SEMA7A: variants seen among roughly 807,000 people sequenced by gnomAD.
SEMA7A encodes semaphorin 7A (JohnMiltonHagen blood group), also known as semaphorin-7A.
SEMA7A carries 21 observed loss-of-function variants against 67.5 expected under a neutral mutation model. The observed-to-expected ratio is 0.31, with a 90% CI of 0.22 to 0.45. The LOEUF is 0.45. Ranked by LOEUF, SEMA7A falls within the 20% of genes least tolerant of loss-of-function variation. The pLI, the probability that SEMA7A is intolerant of heterozygous loss-of-function variation, is 1.00. For synonymous variants in SEMA7A, 364 were observed against 368.5 expected (o/e 0.99, Z 0.14); for missense variants, 774 against 908.6 (o/e 0.85, Z 1.90).
At chr15:74,417,236 G>C in intron 6 of SEMA7A, 99 bp downstream of exon 6, 1 of 919,324 alleles carries the variant, frequency 1.1e-6, no homozygotes, top group African/African-American at 1.6e-5. Flanking sequence ...GGCCCCAGCG[G>C]CCCTCAGGGA....
rs1233265374 is a variant in SEMA7A, at chr15:74,423,197, T to C, written c.179-4245A>G. Among the ~76,000 whole-genome samples, 2 of 151,990 alleles carry C rather than the reference T, an allele frequency of 1.3e-5. No homozygotes were observed. The highest frequency in any genetic ancestry group is 4.8e-5 in the African/African-American group (2 of 41,354). On this transcript the variant is annotated intron_variant, in intron 1 of 13. Coordinates refer to ENST00000261918, the MANE Select transcript of SEMA7A (RefSeq NM_003612.5). This position sits in a 1 kb window ranked among gnomAD's most constrained non-coding sequence, Gnocchi z 4.1. ...AGAGCCAGCACATCTGGCAGGAGCG[T>C]CCTCCCACAGTTGTGCCCCCACCCC...
chr15:74,430,702 C>T (rs946960338), intron 1 of SEMA7A, among the ~76,000 whole-genome samples: 1 of 152,342 alleles, frequency 6.6e-6, no homozygotes, highest in East Asian at 1.9e-4. Flanking sequence ...ATTGCCCCCC[C>T]ACCATGAGAC....
Position 74,414,933 on chromosome 15 carries a change from C to A in SEMA7A, c.1000G>T (p.Val334Phe). 1.2e-6 allele frequency: 2 copies of A among 1,614,060 alleles called. No individual in the cohort carries two copies. The highest frequency in any genetic ancestry group is 1.7e-6 in the Non-Finnish European group (2 of 1,179,958). ...VFSNPWNYSA[V>F]CVYSLGDIDK... is the part of the protein sequence containing the mutation. ...ATGTCACCGAGGGAATACACACAGA[C>A]GGCTGAGTAGTTCCTGCAGTGACAT... Residue 334 changes from valine (V) to phenylalanine (F), a missense_variant, in exon 9 of 14, where the codon GTC becomes TTC. Physicochemically the swap from Val to Phe is conservative, Grantham distance 50. Coordinates refer to ENST00000261918, the MANE Select transcript of SEMA7A (RefSeq NM_003612.5). This position sits in a 1 kb window ranked among gnomAD's most constrained non-coding sequence, Gnocchi z 4.1.
rs1328043135 is a variant in SEMA7A, at chr15:74,411,179, C to A, written c.1639+116G>T. On this transcript the variant is annotated intron_variant, in intron 13 of 13. Transcript: ENST00000261918. The surrounding 1 kb of genome is among the most constrained non-coding windows in gnomAD (Gnocchi z 4.4). ...GCTCCCTCTGCAGGACTGTATCCTG[C>A]CCCATGTACCTGGGGCCCACAGGAC... The A allele has an allele frequency of 1.0e-5, 14 of 1,342,694 alleles. No individual in the cohort carries two copies. Among genetic ancestry groups the A allele is most frequent in the Non-Finnish European group, 1.0e-6 (1 of 979,362 alleles). 83.2% of individuals were successfully genotyped at this position (1,342,694 alleles called of 1,614,324 possible).
intron 10 of SEMA7A, among the ~76,000 whole-genome samples, chr15:74,412,764 A>G (rs1230689916): frequency 6.6e-6 from 1 of 151,652 alleles, no homozygotes; most frequent in African/African-American, 2.4e-5. Flanking sequence ...TTTTCCACAA[A>G]TGTCCTTCTT....
chr15:74,429,981 A>G (rs563298624), intron 1 of SEMA7A, among the ~76,000 whole-genome samples: 3 of 152,230 alleles, frequency 2.0e-5, no homozygotes, highest in African/African-American at 7.2e-5. Flanking sequence ...CTCAGTGCCC[A>G]TAACTGCTCT....
intron 8 of SEMA7A, among the ~76,000 whole-genome samples, chr15:74,415,156 G>A (rs1282238473): frequency 6.6e-6 from 1 of 152,190 alleles, no homozygotes; most frequent in Non-Finnish European, 1.5e-5. Context: ...GAATCACTGA[G>A]TCTAGAGGCC....
In SEMA7A at chr15:74,414,480, A is replaced by G; in HGVS notation, c.1294+67T>C. Reference sequence around the variant, plus strand: ...AAAGATCCAACCAGATGTTAACTACATTATTCCTTACACCTTTCATGCCCG... The same window carrying G: ...AAAGATCCAACCAGATGTTAACTACGTTATTCCTTACACCTTTCATGCCCG... On this transcript the variant is annotated intron_variant, in intron 10 of 13. Coordinates refer to ENST00000261918, the MANE Select transcript of SEMA7A (RefSeq NM_003612.5). This position sits in a 1 kb window ranked among gnomAD's most constrained non-coding sequence, Gnocchi z 4.1. The G allele has an allele frequency of 6.9e-7, 1 of 1,448,820 alleles. No homozygotes were observed. The highest frequency in any genetic ancestry group is 1.2e-5 in the South Asian group (1 of 84,526). The allele number at this position is 1,448,820 out of a possible 1,614,324, so 89.7% of individuals were successfully genotyped here. A position where few individuals can be genotyped will look rare whatever the true frequency, so the allele number is the denominator to read the frequency against.
intron 10 of SEMA7A, among the ~76,000 whole-genome samples, chr15:74,413,248 C>T (rs796426669): frequency 3.3e-5 from 5 of 152,368 alleles, no homozygotes; most frequent in African/African-American, 1.2e-4. Context: ...AACAGCATAC[C>T]CTTGGCAAAA....
chr15:74,410,553 C>T lies in SEMA7A; in HGVS notation c.*71G>A, dbSNP rs28362926. The T allele has an allele frequency of 5.8e-3, 8,824 of 1,512,418 alleles. 418 individuals carry two copies. In the African/African-American group the frequency reaches 0.11, roughly 18 times the overall value. 93.7% of individuals were successfully genotyped at this position (1,512,418 alleles called of 1,614,324 possible). A position where few individuals can be genotyped will look rare whatever the true frequency, so the allele number is the denominator to read the frequency against. On this transcript the variant is annotated 3_prime_UTR_variant, in exon 14 of 14. Transcript: ENST00000261918. This position sits in a 1 kb window ranked among gnomAD's most constrained non-coding sequence, Gnocchi z 7.5. ...GCAGGCAAGGAGCTCCCGGGCCAGCCGGCTCTGAGTGTGAGACGTTCTAGT... is the reference window on the plus strand; with the variant it reads ...GCAGGCAAGGAGCTCCCGGGCCAGCTGGCTCTGAGTGTGAGACGTTCTAGT...
chr15:74,425,192 C>T (rs1410323041), intron 1 of SEMA7A, among the ~76,000 whole-genome samples: 3 of 152,236 alleles, frequency 2.0e-5, no homozygotes, highest in Non-Finnish European at 2.9e-5. Flanking sequence ...ATGATGACGA[C>T]GATGATGATG....
chr15:74,428,725 T>C (rs2061061956), intron 1 of SEMA7A, among the ~76,000 whole-genome samples: 1 of 152,046 alleles, frequency 6.6e-6, no homozygotes, highest in Non-Finnish European at 1.5e-5. Flanking sequence ...CTGTGTGCCA[T>C]GTGTTCTGGA....
intron 1 of SEMA7A, among the ~76,000 whole-genome samples, chr15:74,424,424 G>A (rs2061026071): frequency 6.6e-6 from 1 of 152,170 alleles, no homozygotes; most frequent in Non-Finnish European, 1.5e-5. Context: ...GGAAGTGGAG[G>A]CAGCAGAAGA....
Position 74,411,922 on chromosome 15 carries a change from G to A in SEMA7A, c.1385C>T (p.Ala462Val), listed in dbSNP as rs763371623. ...CAGCGACATGGTCTGGATGGCAGCC[G>A]CGCGGCGGAAGGGCTGGATCTCCAT... ...NIMEIQPFRR[A>V]AAIQTMSLDA... The change falls in exon 11 of 14, where the codon GCG (alanine) becomes GTG (valine). Residue 462 changes from alanine to valine, a missense_variant. Transcript: ENST00000261918. This position sits in a 1 kb window ranked among gnomAD's most constrained non-coding sequence, Gnocchi z 4.4. The A allele has an allele frequency of 5.6e-6, 9 of 1,613,950 alleles. No individual in the cohort carries two copies. The highest frequency in any genetic ancestry group is 2.2e-5 in the South Asian group (2 of 91,094).
At chr15:74,416,033 T>G in intron 7 of SEMA7A, 48 bp from the exon 8 acceptor site, 1 of 1,576,052 alleles carries the variant, frequency 6.3e-7, no homozygotes, top group Non-Finnish European at 8.7e-7. Flanking sequence ...TGCCCGGGCT[T>G]CCCCACACAC....
Position 74,418,890 on chromosome 15 carries a change from C to T in SEMA7A, c.241G>A (p.Glu81Lys), listed in dbSNP as rs769545216. The change falls in exon 2 of 14, where the codon GAG (glutamate) becomes AAG (lysine). Residue 81 changes from glutamate (E) to lysine (K), a missense_variant. Physicochemically the swap from Glu to Lys is moderately conservative, Grantham distance 56. This residue lies in a region of SEMA7A where 347 missense variants were observed against 353.2 expected (regional missense o/e 0.98). Coordinates refer to ENST00000261918, the MANE Select transcript of SEMA7A (RefSeq NM_003612.5). The part of the protein sequence containing the change: ...QTEPHTVLFH[E>K]PGSSSVWVGG... ...ACCCACACAGAGGAGCTGCCTGGCTCGTGGAAAAGCACCGTGTGCGGCTCA... is the reference window on the plus strand; with the variant it reads ...ACCCACACAGAGGAGCTGCCTGGCTTGTGGAAAAGCACCGTGTGCGGCTCA... 3.7e-6 allele frequency: 6 copies of T among 1,613,834 alleles called. No homozygotes were observed. The Admixed American group carries it at 6.7e-5, about 18-fold the overall frequency.
intron 1 of SEMA7A, among the ~76,000 whole-genome samples, chr15:74,426,173 G>A (rs1368158725): frequency 6.6e-6 from 1 of 152,194 alleles, no homozygotes; most frequent in Non-Finnish European, 1.5e-5. Flanking sequence ...TACTTGGGAG[G>A]CTGAGACAGA....
At chr15:74,430,220 C>G (rs572820760) in intron 1 of SEMA7A, among the ~76,000 whole-genome samples, 8 of 152,058 alleles carry the variant, frequency 5.3e-5, no homozygotes, top group African/African-American at 1.7e-4. Flanking sequence ...CTTTGGCCCA[C>G]GAGAGAAAAA....
intron 1 of SEMA7A, among the ~76,000 whole-genome samples, chr15:74,421,714 GATGAAT>G (rs1449829853): frequency 1.3e-5 from 2 of 152,198 alleles, no homozygotes; most frequent in African/African-American, 4.8e-5. Context: ...GCAGCAGCTC[GATGAAT>G]ACATGAAAGG....
Sources: gnomAD v4.1 joint callset for allele counts (sites outside exome capture counted in the v4.1 genomes callset) on GRCh38, gnomAD v4.1.1 for gene constraint, gnomAD v4.1.1 regional missense constraint, Gnocchi (gnomAD v3.1) non-coding constraint, MANE v1.5 for transcripts, NCBI Gene and HGNC (gene_info 2026-07-23, HGNC 2026-07-21) for gene names.